Variants in SKA2 observed in about 807,000 individuals in gnomAD.
The protein encoded by SKA2 is spindle and kinetochore-associated protein 2.
Under a neutral mutation model 16.9 loss-of-function variants are expected in SKA2, and 13 were observed. That is an observed-to-expected ratio of 0.77 (90% CI 0.50 to 1.22). The LOEUF (loss-of-function observed/expected upper bound fraction) is 1.22. Among genes scored for constraint, SKA2 ranks in the 50% most tolerant of loss-of-function variants. The pLI is 0.00. For synonymous variants in SKA2, 47 were observed against 48.5 expected (o/e 0.97, Z 0.13); for missense variants, 107 against 139.7 (o/e 0.77, Z 1.18).
intron 1 of SKA2, among the ~76,000 whole-genome samples, chr17:59,144,964 T>C (rs1311162777): frequency 6.6e-6 from 1 of 152,054 alleles, no homozygotes; most frequent in African/African-American, 2.4e-5. Context: ...ACCCAGCTAA[T>C]TTTTTGTATT....
At chr17:59,113,359 TA>T (rs1319814623) in intron 3 of SKA2, among the ~76,000 whole-genome samples, 28 of 149,960 alleles carry the variant, frequency 1.9e-4, no homozygotes, top group Admixed American at 1.3e-3. Flanking sequence ...CCATCTCTAC[TA>T]AAAAACACAA....
chr17:59,152,603 A>G (rs111972667), intron 1 of SKA2, among the ~76,000 whole-genome samples: 1 of 152,044 alleles, frequency 6.6e-6, no homozygotes, highest in Non-Finnish European at 1.5e-5. Context: ...ATTTCCTTTT[A>G]CCTTGACAAA....
At chr17:59,142,927 CAAA>C (rs111796693) in intron 1 of SKA2, among the ~76,000 whole-genome samples, 5 of 60,328 alleles carry the variant, frequency 8.3e-5, no homozygotes, top group African/African-American at 1.1e-4. Flanking sequence ...AACCCCATCT[CAAA>C]AAAAAAAAAA....
intron 2 of SKA2, among the ~76,000 whole-genome samples, chr17:59,125,147 ATTT>A (rs10719455): frequency 4.2e-5 from 4 of 95,942 alleles, no homozygotes; most frequent in Admixed American, 1.1e-4. Context: ...CTAATTTTGT[ATTT>A]TTTTTTTTTT....
intron 1 of SKA2, among the ~76,000 whole-genome samples, chr17:59,152,030 T>C (rs994216161): frequency 6.6e-6 from 1 of 152,166 alleles, no homozygotes; most frequent in East Asian, 1.9e-4. Flanking sequence ...TCCAAGCTAA[T>C]TGACATTTTA....
intron 2 of SKA2, among the ~76,000 whole-genome samples, chr17:59,131,034 T>C (rs1387070241): frequency 1.3e-5 from 2 of 152,206 alleles, no homozygotes; most frequent in Non-Finnish European, 2.9e-5. Flanking sequence ...CAGTGGCTTG[T>C]ACCTCTGAAC....
intron 1 of SKA2, among the ~76,000 whole-genome samples, chr17:59,148,869 A>G (rs1207642604): frequency 4.6e-5 from 7 of 151,852 alleles, no homozygotes; most frequent in Non-Finnish European, 8.8e-5. Flanking sequence ...ACATTTCACT[A>G]AAGAAGATAT....
intron 1 of SKA2, among the ~76,000 whole-genome samples, chr17:59,147,015 G>A (rs144870302): frequency 7.9e-5 from 12 of 151,514 alleles, no homozygotes; most frequent in African/African-American, 2.4e-4. Flanking sequence ...TGGGGGGGAC[G>A]GGCGTGGTGG....
chr17:59,133,513 G>A (rs1461971255), intron 1 of SKA2, among the ~76,000 whole-genome samples: 1 of 152,140 alleles, frequency 6.6e-6, no homozygotes, highest in African/African-American at 2.4e-5. Flanking sequence ...CTGAACTAAA[G>A]ATTGATTCTC....
chr17:59,119,203 T>C lies in SKA2; in HGVS notation c.297+116A>G, dbSNP rs962491698. The C allele has an allele frequency of 3.0e-5, 34 of 1,125,932 alleles. No individual in the cohort carries two copies. In the South Asian group the frequency reaches 4.2e-4, roughly 14 times the overall value. 69.7% of individuals were successfully genotyped at this position (1,125,932 alleles called of 1,614,324 possible). The stretch of plus-strand genomic sequence containing the variant: ...TACTTCAGGGTATCAGGAAAATCTT[T>C]CAATAGTTCAAACTGACTGCTGAGT... On this transcript the variant is annotated intron_variant, in intron 3 of 3. Transcript: ENST00000330137.
intron 1 of SKA2, 45 bp from the exon 2 acceptor site, chr17:59,131,412 T>C (rs896648948): frequency 2.4e-6 from 3 of 1,251,774 alleles, no homozygotes; most frequent in Non-Finnish European, 2.2e-6. Flanking sequence ...AAAAGACTAA[T>C]AGTAAACATG....
chr17:59,142,488 C>G (rs1330710510), intron 1 of SKA2, among the ~76,000 whole-genome samples: 1 of 151,828 alleles, frequency 6.6e-6, no homozygotes, highest in Non-Finnish European at 1.5e-5. Flanking sequence ...TGGGGTTTCT[C>G]TATGTTGGTC....
intron 1 of SKA2, among the ~76,000 whole-genome samples, chr17:59,154,701 C>A (rs1433116563): frequency 2.0e-5 from 3 of 152,226 alleles, no homozygotes; most frequent in Admixed American, 6.5e-5. Flanking sequence ...GATTTCTCCT[C>A]GCCCCCGTCA....
intron 1 of SKA2, among the ~76,000 whole-genome samples, chr17:59,136,134 C>T (rs1262659382): frequency 1.3e-5 from 2 of 151,932 alleles, no homozygotes; most frequent in Non-Finnish European, 2.9e-5. Flanking sequence ...TTGTATAGAA[C>T]GTCTAATAAC....
chr17:59,128,441 A>G (rs1441562970), intron 2 of SKA2, among the ~76,000 whole-genome samples: 1 of 152,080 alleles, frequency 6.6e-6, no homozygotes, highest in Admixed American at 6.6e-5. Flanking sequence ...CCTGGCCAAC[A>G]TGGCAAAACC....
At chr17:59,123,543 C>G (rs1287210013) in intron 2 of SKA2, among the ~76,000 whole-genome samples, 1 of 147,260 alleles carries the variant, frequency 6.8e-6, no homozygotes, top group Non-Finnish European at 1.5e-5. Context: ...GGCAACAGAG[C>G]AAGACTCTGT....
chr17:59,154,939 C>A, intron 1 of SKA2, 192 bp downstream of exon 1: 1 of 1,611,822 alleles, frequency 6.2e-7, no homozygotes, highest in Non-Finnish European at 8.5e-7. Flanking sequence ...ACGAGTTTCC[C>A]GGATGTAACC....
chr17:59,120,417 T>A (rs907529443), intron 2 of SKA2, among the ~76,000 whole-genome samples: 1 of 151,206 alleles, frequency 6.6e-6, no homozygotes, highest in Non-Finnish European at 1.5e-5. Flanking sequence ...TTTCTTTAAT[T>A]TTTTTTTTAA....
At chr17:59,119,178 T>C (rs1187834524) in intron 3 of SKA2, 141 bp downstream of exon 3, 3 of 790,656 alleles carry the variant, frequency 3.8e-6, no homozygotes, top group Non-Finnish European at 5.9e-6. Context: ...AGAGCTATTA[T>C]ACTTCAGGGT....
Sources: allele counts gnomAD v4.1 joint callset (sites outside exome capture counted in the v4.1 genomes callset), GRCh38; gene constraint gnomAD v4.1.1; transcripts MANE v1.5; gene names NCBI Gene and HGNC (gene_info 2026-07-23, HGNC 2026-07-21).